The following GRIP1 variants were observed in gnomAD, a reference collection of about 807,000 sequenced individuals.
The protein encoded by GRIP1 is glutamate receptor-interacting protein 1.
A neutral mutation model predicts 129.9 loss-of-function variants in GRIP1; 45 were observed. The ratio of observed to expected loss-of-function variants is 0.35; its 90% confidence interval spans 0.27 to 0.44. The LOEUF is 0.44. GRIP1 is among the 20% of genes least tolerant of loss of function. The pLI is 1.00. For synonymous variants in GRIP1, 530 were observed against 520.8 expected (o/e 1.02, Z -0.24); for missense variants, 1,196 against 1,396.8 (o/e 0.86, Z 2.29).
rs1036473626 is a variant in GRIP1, at chr12:66,537,520, A to ATATC, written c.418+1557_418+1558insGATA. ...TTCATGCTTCAGAAATGGATATATC[A>ATATC]TATATATATATATATGTATACCTAC... On this transcript the variant is annotated intron_variant, in intron 4 of 24. Coordinates refer to ENST00000359742, the MANE Select transcript of GRIP1 (RefSeq NM_001366722.1). Among the ~76,000 whole-genome samples the ATATC allele has an allele frequency of 5.4e-3, 86 of 15,860 alleles. No homozygotes were observed. The African/African-American group carries it at 0.073, about 14-fold the overall frequency. The allele number at this position is 15,860 out of a possible 152,430, so 10.4% of individuals were successfully genotyped here. A position where few individuals can be genotyped will look rare whatever the true frequency, so the allele number is the denominator to read the frequency against.
intron 7 of GRIP1, among the ~76,000 whole-genome samples, chr12:66,513,789 T>C (rs1299021292): frequency 6.6e-6 from 1 of 152,110 alleles, no homozygotes; most frequent in Non-Finnish European, 1.5e-5. Flanking sequence ...TCATTCAGAA[T>C]GTGAGAGTGA....
intron 1 of GRIP1, among the ~76,000 whole-genome samples, chr12:66,743,653 T>G (rs1042199926): frequency 4.6e-5 from 7 of 152,024 alleles, no homozygotes; most frequent in Non-Finnish European, 8.8e-5. Context: ...TCCTGGAGTG[T>G]CTAGGATACT....
At chr12:66,903,205 C>T (rs1030851880) in intron 1 of GRIP1, among the ~76,000 whole-genome samples, 5 of 151,896 alleles carry the variant, frequency 3.3e-5, no homozygotes, top group South Asian at 2.1e-4. Context: ...TAGAGCACTA[C>T]ACCGCAATCC....
At chr12:66,544,414 G>A (rs1438348153) in intron 2 of GRIP1, among the ~76,000 whole-genome samples, 4 of 152,152 alleles carry the variant, frequency 2.6e-5, no homozygotes, top group Admixed American at 6.6e-5. Flanking sequence ...AAGAGGCAAC[G>A]TCACAGACCA....
At chr12:66,484,490 C>T (rs79234918) in intron 7 of GRIP1, among the ~76,000 whole-genome samples, 3,521 of 152,224 alleles carry the variant, frequency 0.023, 59 homozygotes, top group Middle Eastern at 0.037. Context: ...GAATATTATT[C>T]AACCATGAAA....
At chr12:66,524,316 A>G (rs914751285) in intron 5 of GRIP1, among the ~76,000 whole-genome samples, 1 of 152,248 alleles carries the variant, frequency 6.6e-6, no homozygotes, top group African/African-American at 2.4e-5. Context: ...AACACAAATT[A>G]TAACAAACTG....
rs1306108223 is a variant in GRIP1, at chr12:66,754,937, A to G, written c.-420+49116T>C. Among the ~76,000 whole-genome samples, 8 of 152,262 alleles carry G rather than the reference A, an allele frequency of 5.3e-5. No individual in the cohort carries two copies. In the East Asian group the frequency reaches 1.5e-3, roughly 29 times the overall value. On this transcript the variant is annotated intron_variant, in intron 1 of 4. Coordinates refer to the GRIP1 transcript ENST00000538373. The stretch of plus-strand genomic sequence containing the variant: ...GCAATGATCAAAAATCCATTTCACT[A>G]CACACAAAACTATGCCACCCTTTAG...
intron 1 of GRIP1, among the ~76,000 whole-genome samples, chr12:66,787,133 C>G (rs1308268026): frequency 6.6e-6 from 1 of 152,182 alleles, no homozygotes; most frequent in Non-Finnish European, 1.5e-5. Flanking sequence ...CAATTACTAT[C>G]TGTGCACACA....
At chr12:66,956,858 CAT>C (rs1481717528) in intron 1 of GRIP1, among the ~76,000 whole-genome samples, 1 of 152,164 alleles carries the variant, frequency 6.6e-6, no homozygotes, top group Non-Finnish European at 1.5e-5. Context: ...GCTGACATAA[CAT>C]ATCTATATTT....
At chr12:66,423,641 C>G (rs1209854947) in intron 14 of GRIP1, among the ~76,000 whole-genome samples, 5 of 152,296 alleles carry the variant, frequency 3.3e-5, no homozygotes, top group South Asian at 4.1e-4. Context: ...GCTCTGGGCA[C>G]TGGCTATGAA....
chr12:66,747,935 T>C (rs113031720), intron 1 of GRIP1, among the ~76,000 whole-genome samples: 1 of 152,212 alleles, frequency 6.6e-6, no homozygotes, highest in Non-Finnish European at 1.5e-5. Context: ...ACATTATTTA[T>C]GCATATATAT....
intron 1 of GRIP1, among the ~76,000 whole-genome samples, chr12:67,067,666 C>G (rs533483312): frequency 6.6e-6 from 1 of 152,212 alleles, no homozygotes; most frequent in Admixed American, 6.5e-5. Context: ...AGGATACAAA[C>G]CAAAGACAGG....
chr12:66,380,782 G>A (rs984509197), intron 19 of GRIP1, among the ~76,000 whole-genome samples: 1 of 152,168 alleles, frequency 6.6e-6, no homozygotes, highest in Admixed American at 6.5e-5. Flanking sequence ...TCCATAGCTT[G>A]TGCTGTAATC....
chr12:67,040,810 T>G (rs377672022), intron 1 of GRIP1, among the ~76,000 whole-genome samples: 31 of 152,296 alleles, frequency 2.0e-4, no homozygotes, highest in African/African-American at 6.5e-4. Context: ...CTGAGTCAAT[T>G]TGGCTGGACC....
At chr12:66,376,220 C>T (rs1165106969) in intron 22 of GRIP1, among the ~76,000 whole-genome samples, 5 of 152,168 alleles carry the variant, frequency 3.3e-5, no homozygotes, top group Non-Finnish European at 7.3e-5. Flanking sequence ...GATTCACAAA[C>T]ATTAGAATCA....
rs529427026 is a variant in GRIP1, at chr12:66,889,900, TA to T, written c.58+179149del. 1.9e-4 allele frequency among the ~76,000 whole-genome samples: 29 copies of T among 152,162 alleles called. No individual in the cohort carries two copies. In the East Asian group the frequency reaches 5.0e-3, roughly 26 times the overall value. Reference sequence around the variant, plus strand: ...CTTTAGATTAAATTTCATAGAGAGGTAAACGGAGGCTCAGCTACTGTTTTTT... The same window carrying T: ...CTTTAGATTAAATTTCATAGAGAGGTAACGGAGGCTCAGCTACTGTTTTTT... On this transcript the variant is annotated intron_variant, in intron 1 of 1. Coordinates refer to the GRIP1 transcript ENST00000643019.
At chr12:66,500,548 TGA>T (rs1229227269) in intron 7 of GRIP1, among the ~76,000 whole-genome samples, 2 of 152,152 alleles carry the variant, frequency 1.3e-5, no homozygotes, top group East Asian at 1.9e-4. Flanking sequence ...GTCAATGTTA[TGA>T]GAGAGAGTCT....
At chr12:66,990,987 AAAAAG>A (rs547978168) in intron 1 of GRIP1, among the ~76,000 whole-genome samples, 131 of 151,448 alleles carry the variant, frequency 8.6e-4, no homozygotes, top group African/African-American at 3.0e-3. Flanking sequence ...CAAAAAAAAA[AAAAAG>A]AAAGAAAAAA....
rs1249406996 is a variant in GRIP1, at chr12:66,348,307, T to A, written c.*712A>T. Reference sequence around the variant, plus strand: ...GTTTACTACACACTCTAATTCATTATCAGAGATTTTCAGCTATTAAAAATG... The same window carrying A: ...GTTTACTACACACTCTAATTCATTAACAGAGATTTTCAGCTATTAAAAATG... On this transcript the variant is annotated 3_prime_UTR_variant, in exon 25 of 25. Transcript: ENST00000359742. 6.6e-6 allele frequency: 1 copy of A among 152,036 alleles called. No individual in the cohort carries two copies. The highest frequency in any genetic ancestry group is 1.5e-5 in the Non-Finnish European group (1 of 68,092). The allele number at this position is 152,036 out of a possible 1,614,324, so 9.4% of individuals were successfully genotyped here. A position where few individuals can be genotyped will look rare whatever the true frequency, so the allele number is the denominator to read the frequency against.
Sources: gnomAD v4.1 joint callset for allele counts (sites outside exome capture counted in the v4.1 genomes callset) on GRCh38, gnomAD v4.1.1 for gene constraint, MANE v1.5 for transcripts, NCBI Gene and HGNC (gene_info 2026-07-23, HGNC 2026-07-21) for gene names.